NRXN1: variants seen among roughly 807,000 people sequenced by gnomAD.
The protein encoded by NRXN1 is neurexin 1.
NRXN1 carries 39 observed loss-of-function variants against 150.9 expected under a neutral mutation model. The ratio of observed to expected loss-of-function variants is 0.26; its 90% CI spans 0.20 to 0.34. The LOEUF is 0.34. Among genes scored for constraint, NRXN1 ranks in the 10% least tolerant of loss-of-function variants. NRXN1 has a pLI of 1.00. For missense variants in NRXN1, 1,815 were observed against 1,949.9 expected (o/e 0.93, Z 1.30); for synonymous variants, 924 against 757.0 (o/e 1.22, Z -3.62).
At chr2:50,804,834 C>T (rs1667300180) in intron 5 of NRXN1, among the ~76,000 whole-genome samples, 1 of 152,198 alleles carries the variant, frequency 6.6e-6, no homozygotes, top group Non-Finnish European at 1.5e-5. Context: ...TTCTCTCCAA[C>T]CACTCTTCCC....
intron 18 of NRXN1, among the ~76,000 whole-genome samples, chr2:50,110,178 C>T (rs1702188939): frequency 6.6e-6 from 1 of 151,992 alleles, no homozygotes; most frequent in Non-Finnish European, 1.5e-5. Flanking sequence ...ATCAGCTATC[C>T]CTCCCTCCTC....
intron 19 of NRXN1, among the ~76,000 whole-genome samples, chr2:50,084,699 G>A (rs1456839782): frequency 6.6e-6 from 1 of 152,192 alleles, no homozygotes; most frequent in African/African-American, 2.4e-5. Context: ...GTGGCTGAAT[G>A]GGCGCCGAGG....
chr2:50,369,034 A>G (rs2079809434), intron 17 of NRXN1, among the ~76,000 whole-genome samples: 1 of 152,024 alleles, frequency 6.6e-6, no homozygotes, highest in South Asian at 2.1e-4. Flanking sequence ...GGAGCAAAAC[A>G]TCGACATTGT....
intron 5 of NRXN1, among the ~76,000 whole-genome samples, chr2:50,745,845 G>A (rs937573076): frequency 6.6e-6 from 1 of 151,976 alleles, no homozygotes; most frequent in African/African-American, 2.4e-5. Flanking sequence ...CATCCCACTG[G>A]GTCCCTTTCA....
In NRXN1 at chr2:50,750,692, C is replaced by T. The variant is rs1284167845; in HGVS notation, c.833-127077G>A. Reference sequence around the variant, plus strand: ...ATGTTTCCTTAGTCTAGCACCACCACCAAAGTTCTTATACAAATCATTTTA... The same window carrying T: ...ATGTTTCCTTAGTCTAGCACCACCATCAAAGTTCTTATACAAATCATTTTA... On this transcript the variant is annotated intron_variant, in intron 5 of 22. Coordinates refer to ENST00000401669, the MANE Select transcript of NRXN1 (RefSeq NM_001330078.2). Among the ~76,000 whole-genome samples, 4 of 151,986 alleles carry T rather than the reference C, an allele frequency of 2.6e-5. 1 individual carries two copies. Among genetic ancestry groups the T allele is most frequent in the Admixed American group, 1.3e-4 (2 of 15,230 alleles).
intron 22 of NRXN1, among the ~76,000 whole-genome samples, chr2:49,931,509 A>G (rs1385527899): frequency 1.3e-5 from 2 of 151,976 alleles, no homozygotes; most frequent in African/African-American, 2.4e-5. Context: ...GTTGACAGCT[A>G]ACTTGAGCTC....
At chr2:50,703,251 T>C (rs1340575387) in intron 5 of NRXN1, among the ~76,000 whole-genome samples, 1 of 151,822 alleles carries the variant, frequency 6.6e-6, no homozygotes, top group African/African-American at 2.4e-5. Context: ...TGAGACAGAA[T>C]GAGGGAAAGG....
intron 8 of NRXN1, chr2:50,588,930 A>G (rs1213750589): frequency 2.0e-5 from 3 of 152,144 alleles, no homozygotes; most frequent in Admixed American, 2.0e-4. Flanking sequence ...CATACAATAA[A>G]TCCTAGGAAA....
intron 2 of NRXN1, among the ~76,000 whole-genome samples, chr2:50,994,857 T>C (rs1699033865): frequency 6.6e-6 from 1 of 151,862 alleles, no homozygotes. Context: ...AACCTGAACC[T>C]TACTTAGTAA....
intron 18 of NRXN1, among the ~76,000 whole-genome samples, chr2:50,198,461 A>G (rs983944886): frequency 2.2e-4 from 33 of 152,164 alleles, no homozygotes; most frequent in Admixed American, 2.2e-3. Context: ...GTATTTTCCC[A>G]TGATAAATTA....
At chr2:50,348,379 G>A (rs1384116143) in intron 17 of NRXN1, among the ~76,000 whole-genome samples, 1 of 152,164 alleles carries the variant, frequency 6.6e-6, no homozygotes, top group Non-Finnish European at 1.5e-5. Context: ...AGGGTCAGGA[G>A]AGAAACAGGA....
chr2:50,495,828 C>A, intron 15 of NRXN1, 77 bp downstream of exon 15: 2 of 1,312,672 alleles, frequency 1.5e-6, no homozygotes, highest in Non-Finnish European at 2.1e-6. Context: ...ACAAACACAC[C>A]CCTAAGCAAA....
At chr2:50,628,250 G>A (rs570365287) in intron 5 of NRXN1, among the ~76,000 whole-genome samples, 1 of 151,774 alleles carries the variant, frequency 6.6e-6, no homozygotes, top group South Asian at 2.1e-4. Flanking sequence ...AAGTTATATG[G>A]GTGTTGATGT....
intron 17 of NRXN1, among the ~76,000 whole-genome samples, chr2:50,368,101 A>G (rs2079733210): frequency 6.6e-6 from 1 of 152,026 alleles, no homozygotes; most frequent in Admixed American, 6.6e-5. Context: ...AGAGTCCTCA[A>G]AGGTCCTGAT....
At chr2:50,727,813 G>T (rs527255917) in intron 5 of NRXN1, among the ~76,000 whole-genome samples, 5 of 152,100 alleles carry the variant, frequency 3.3e-5, no homozygotes, top group Non-Finnish European at 4.4e-5. Flanking sequence ...GGAGACAGGG[G>T]TTTTGAATAG....
At chr2:50,501,290 A>G (rs1243708654) in intron 13 of NRXN1, among the ~76,000 whole-genome samples, 1 of 152,034 alleles carries the variant, frequency 6.6e-6, no homozygotes, top group Non-Finnish European at 1.5e-5. Context: ...CATGGGATTG[A>G]AAGGAGCGGG....
chr2:50,649,505 C>G (rs1447822582), intron 5 of NRXN1, among the ~76,000 whole-genome samples: 1 of 151,990 alleles, frequency 6.6e-6, no homozygotes, highest in Non-Finnish European at 1.5e-5. Flanking sequence ...ATCAAACTTA[C>G]ATTTTCCATT....
At chr2:50,815,476 C>G (rs1266716319) in intron 5 of NRXN1, among the ~76,000 whole-genome samples, 1 of 152,096 alleles carries the variant, frequency 6.6e-6, no homozygotes, top group East Asian at 1.9e-4. Flanking sequence ...TGGGTCATTT[C>G]TGTGTCTTAT....
rs1470589040 is a variant in NRXN1, at chr2:50,869,385, T to G, written c.832+52484A>C. Among the ~76,000 whole-genome samples, 3 of 151,650 alleles carry G rather than the reference T, an allele frequency of 2.0e-5. No individual in the cohort carries two copies. In the East Asian group the frequency reaches 5.9e-4, roughly 30 times the overall value. ...GCTGCTACTACTGTAATTCTCAAAATTTTTCCTTAGAAACAATTTGGAAGA... is the reference window on the plus strand; with the variant it reads ...GCTGCTACTACTGTAATTCTCAAAAGTTTTCCTTAGAAACAATTTGGAAGA... On this transcript the variant is annotated intron_variant, in intron 5 of 22. Coordinates refer to ENST00000401669, the MANE Select transcript of NRXN1 (RefSeq NM_001330078.2).
Sources: gnomAD v4.1 joint callset for allele counts (sites outside exome capture counted in the v4.1 genomes callset) on GRCh38, gnomAD v4.1.1 for gene constraint, MANE v1.5 for transcripts, NCBI Gene and HGNC (gene_info 2026-07-23, HGNC 2026-07-21) for gene names.